SIGLEC9: variants seen among roughly 807,000 people sequenced by gnomAD.
SIGLEC9 encodes the protein sialic acid binding Ig like lectin 9.
A neutral mutation model predicts 38.3 loss-of-function variants in SIGLEC9; 26 were observed. The observed-to-expected ratio is 0.68, with a 90% CI of 0.50 to 0.94. The LOEUF is 0.94. SIGLEC9 is among the 40% of genes least tolerant of loss of function. The pLI, the probability that SIGLEC9 is intolerant of heterozygous loss-of-function variation, is 0.00. For synonymous variants in SIGLEC9, 236 were observed against 248.0 expected (o/e 0.95, Z 0.45); for missense variants, 556 against 585.7 (o/e 0.95, Z 0.52).
At chr19:51,120,761 T>C, upstream of SIGLEC9, 1 of 179,360 alleles carries the variant, frequency 5.6e-6, no homozygotes. This position sits in a 1 kb window ranked among gnomAD's most constrained non-coding sequence, Gnocchi z 4.1. Context: ...CAATGTCTCT[T>C]ATGAGTGGTG....
At chr19:51,129,479 C>T (rs1478589728) in intron 6 of SIGLEC9, among the ~76,000 whole-genome samples, 1 of 151,828 alleles carries the variant, frequency 6.6e-6, no homozygotes, top group African/African-American at 2.4e-5. Flanking sequence ...CTTTTAAGCA[C>T]CTACCTCTCC....
chr19:51,122,628 C>T (rs1364494880), upstream of SIGLEC9: 1 of 150,964 alleles, frequency 6.6e-6, no homozygotes, highest in Non-Finnish European at 1.5e-5. This position sits in a 1 kb window ranked among gnomAD's most constrained non-coding sequence, Gnocchi z 4.1. Context: ...TGTCTTCTGT[C>T]TCATTCCGAA....
At chr19:51,128,856 A>C (rs1445185263) in intron 6 of SIGLEC9, 1 of 245,302 alleles carries the variant, frequency 4.1e-6, no homozygotes, top group Non-Finnish European at 8.0e-6. Flanking sequence ...ACCCCTCAAT[A>C]CCGTTTAGAG....
At chr19:51,134,147 C>CTT (rs71185802), downstream of SIGLEC9, among the ~76,000 whole-genome samples, 3,991 of 66,478 alleles carry the variant, frequency 0.06, 944 homozygotes, top group Non-Finnish European at 0.083. Flanking sequence ...TCTTTCTTTT[C>CTT]TTTTTTTTTT....
intron 4 of SIGLEC9, among the ~76,000 whole-genome samples, chr19:51,127,551 G>A (rs1334239974): frequency 2.6e-5 from 4 of 152,072 alleles, no homozygotes; most frequent in Non-Finnish European, 1.5e-5. Context: ...AGGGAGACAA[G>A]CGCCTTTCTT....
intron 6 of SIGLEC9, among the ~76,000 whole-genome samples, chr19:51,129,149 T>G (rs1599819624): frequency 7.1e-6 from 1 of 141,472 alleles, no homozygotes; most frequent in South Asian, 2.1e-4. Flanking sequence ...TTTTTTTGTT[T>G]TTTTTTTTTT....
At chr19:51,130,401 G>A (rs1476622262), downstream of SIGLEC9, 7 of 222,242 alleles carry the variant, frequency 3.1e-5, no homozygotes, top group African/African-American at 8.1e-5. Flanking sequence ...GTCACATCCC[G>A]TTAGAGCTCC....
chr19:51,128,803 A>C, intron 6 of SIGLEC9: 1 of 333,796 alleles, frequency 3.0e-6, no homozygotes. Flanking sequence ...TGTCCAGAAG[A>C]CATCATCGTC....
At position 51,125,818 on chromosome 19, in the gene SIGLEC9, G is replaced by C; in HGVS notation, c.643G>C (p.Val215Leu). The change falls in exon 2 of 7, where the codon GTG becomes CTG. Residue 215 changes from valine (V) to leucine (L), a missense_variant. Val to Leu is a conservative substitution (Grantham distance 32, BLOSUM62 1). Transcript: ENST00000250360. ...QDHGTSLTCQ[V>L]TFPGASVTTN... The stretch of plus-strand genomic sequence containing the variant: ...CCATGGCACCAGCCTCACCTGTCAG[G>C]TGACCTTCCCTGGGGCCAGCGTGAC... 2 of 1,614,166 alleles carry C rather than the reference G, an allele frequency of 1.2e-6. No homozygotes were observed. Among genetic ancestry groups the C allele is most frequent in the Non-Finnish European group, 1.7e-6 (2 of 1,180,030 alleles).
At position 51,125,149 on chromosome 19, in the gene SIGLEC9, G is replaced by A. The variant is rs1192315151; in HGVS notation, c.175G>A (p.Gly59Ser). Residue 59 changes from glycine to serine, a missense_variant, in exon 1 of 7, where the codon GGC becomes AGC. Transcript: ENST00000250360. ...GATTTACCCTGGCCCAGTAGTTCAT[G>A]GCTACTGGTTCCGGGAAGGGGCCAA... ...GWIYPGPVVH[G>S]YWFREGANTD... 2 of 1,614,078 alleles carry A rather than the reference G, an allele frequency of 1.2e-6. No homozygotes were observed. Among genetic ancestry groups the A allele is most frequent in the South Asian group, 1.1e-5 (1 of 91,084 alleles).
downstream of SIGLEC9, among the ~76,000 whole-genome samples, chr19:51,132,666 G>A (rs1406260770): frequency 1.3e-5 from 2 of 152,198 alleles, no homozygotes; most frequent in African/African-American, 4.8e-5. Context: ...CGCTCAGCTG[G>A]AATTGTCTGA....
intron 4 of SIGLEC9, 60 bp from the exon 5 acceptor site, chr19:51,127,889 G>A (rs917287402): frequency 1.0e-6 from 1 of 981,526 alleles, no homozygotes; most frequent in Non-Finnish European, 1.6e-6. Flanking sequence ...CAGGAAGTGG[G>A]AGGAGAAGAG....
chr19:51,131,502 C>T (rs540368118), downstream of SIGLEC9, among the ~76,000 whole-genome samples: 26 of 151,672 alleles, frequency 1.7e-4, no homozygotes, highest in African/African-American at 6.1e-4. Flanking sequence ...AGGAGAATGG[C>T]GTGAACCCGG....
chr19:51,125,455 C>T, intron 1 of SIGLEC9, 60 bp downstream of exon 1: 1 of 1,551,116 alleles, frequency 6.4e-7, no homozygotes, highest in Non-Finnish European at 8.7e-7. Context: ...CAGGGAAAGG[C>T]TGGGATGGAG....
In SIGLEC9 at chr19:51,125,697, A is replaced by G. The variant is rs768066580; in HGVS notation, c.522A>G (p.Thr174=). 6.8e-6 allele frequency: 11 copies of G among 1,613,552 alleles called. No homozygotes were observed. The highest frequency in any genetic ancestry group is 1.7e-5 in the Admixed American group (1 of 59,952). The change falls in exon 2 of 7, where the codon ACA becomes ACG. Residue 174 remains threonine (T), a synonymous_variant. Coordinates refer to ENST00000250360, the MANE Select transcript of SIGLEC9 (RefSeq NM_014441.3). ...CSVPWACEQG[T]PPMISWIGTS... ...TGCCCTGGGCCTGTGAGCAGGGGAC[A>G]CCCCCTATGATCTCCTGGATAGGGA...
At chr19:51,129,159 TTTG>T (rs1568613377) in intron 6 of SIGLEC9, among the ~76,000 whole-genome samples, 1 of 144,202 alleles carries the variant, frequency 6.9e-6, no homozygotes, top group Non-Finnish European at 1.5e-5. Context: ...TTTTTTTTTT[TTTG>T]TTGTTGTTGT....
At chr19:51,128,095 G>C (rs1344814840) in intron 5 of SIGLEC9, 56 bp downstream of exon 5, 43 of 1,421,904 alleles carry the variant, frequency 3.0e-5, no homozygotes, top group Non-Finnish European at 3.7e-5. Context: ...GGACAGGCTG[G>C]AAGCTGGATC....
At chr19:51,133,150 A>G (rs901050717), downstream of SIGLEC9, among the ~76,000 whole-genome samples, 3 of 152,246 alleles carry the variant, frequency 2.0e-5, no homozygotes, top group Non-Finnish European at 4.4e-5. Flanking sequence ...GAGAAGGCAG[A>G]CTTTAACACT....
rs1568613965 is a variant in SIGLEC9 at position 51,130,077 on chromosome 19, T to G, written c.1390T>G (p.Ter464GlyextTer9). The part of the protein sequence containing the change: ...TEYSEIKIHR[*>G] The stretch of plus-strand genomic sequence containing the variant: ...GTACTCGGAGATCAAGATCCACAGA[T>G]GAGAAACTGCAGAGACTCACCCTGA... Residue 464 changes from the stop codon to glycine, a stop_lost, in exon 7 of 7, where the codon TGA becomes GGA. Transcript: ENST00000250360. The G allele has an allele frequency of 6.2e-7, 1 of 1,609,024 alleles. No homozygotes were observed. Among genetic ancestry groups the G allele is most frequent in the East Asian group, 2.2e-5 (1 of 44,788 alleles).
Sources: allele counts gnomAD v4.1 joint callset (sites outside exome capture counted in the v4.1 genomes callset), GRCh38; gene constraint gnomAD v4.1.1; non-coding constraint Gnocchi (gnomAD v3.1); transcripts MANE v1.5; gene names NCBI Gene and HGNC (gene_info 2026-07-23, HGNC 2026-07-21).